Variants in PCDH15 observed in about 807,000 individuals in gnomAD.
The protein encoded by PCDH15 is protocadherin-15.
PCDH15 carries 129 observed loss-of-function variants against 178.5 expected under a neutral mutation model. The ratio of observed to expected loss-of-function variants is 0.72; its 90% CI spans 0.63 to 0.84. The LOEUF (loss-of-function observed/expected upper bound fraction) is 0.84. PCDH15 is among the 40% of genes least tolerant of loss of function. The pLI is 0.00. For synonymous variants in PCDH15, 800 were observed against 732.0 expected, an observed-to-expected ratio of 1.09 and a Z score of -1.50; for missense variants, 2,230 against 2,099.9, an observed-to-expected ratio of 1.06 and a Z score of -1.21.
At chr10:53,810,403 T>G in intron 37 of PCDH15, 153 bp downstream of exon 37, 2 of 612,216 alleles carry the variant, frequency 3.3e-6, no homozygotes, top group Admixed American at 2.9e-5. Flanking sequence ...GACAAGGCAA[T>G]GAAACGGTCA....
At chr10:55,234,346 TTAAA>T (rs1841313705) in intron 1 of PCDH15, among the ~76,000 whole-genome samples, 1 of 152,158 alleles carries the variant, frequency 6.6e-6, no homozygotes, top group East Asian at 1.9e-4. Context: ...TTAAAAAAAA[TTAAA>T]TATTCATTTT....
At chr10:55,115,448 G>T (rs1591914466) in intron 2 of PCDH15, among the ~76,000 whole-genome samples, 1 of 152,304 alleles carries the variant, frequency 6.6e-6, no homozygotes. Context: ...ATATTTTTGT[G>T]CATACTATTT....
At chr10:54,701,144 A>G (rs1297972088) in intron 1 of PCDH15, among the ~76,000 whole-genome samples, 2 of 152,090 alleles carry the variant, frequency 1.3e-5, no homozygotes, top group Non-Finnish European at 2.9e-5. Context: ...AGGAAATACA[A>G]TAACCTTAAA....
chr10:55,156,400 C>G (rs1385694352), intron 2 of PCDH15, among the ~76,000 whole-genome samples: 1 of 152,090 alleles, frequency 6.6e-6, no homozygotes, highest in African/African-American at 2.4e-5. Flanking sequence ...CCAGTTTTCC[C>G]TAAGGCGGCC....
intron 3 of PCDH15, among the ~76,000 whole-genome samples, chr10:54,507,468 G>A (rs573320044): frequency 3.7e-4 from 56 of 151,648 alleles, no homozygotes; most frequent in Admixed American, 2.6e-3. Flanking sequence ...TGAAAACTAT[G>A]CTTCCTTCAG....
Position 54,060,847 on chromosome 10 carries a change from G to A in PCDH15, c.2220+5910C>T, listed in dbSNP as rs1471798379. On this transcript the variant is annotated intron_variant, in intron 18 of 37. Transcript: ENST00000644397. ...AAAGTATGTAAGGAGCATAAGAGGT[G>A]AGGGTTGTTAGGTAAGATGAGAAGT... 2.6e-5 allele frequency among the ~76,000 whole-genome samples: 4 copies of A among 152,224 alleles called. 1 individual carries two copies. The highest frequency in any genetic ancestry group is 2.6e-4 in the Admixed American group (4 of 15,286).
intron 2 of PCDH15, among the ~76,000 whole-genome samples, chr10:55,359,312 G>T (rs968992830): frequency 6.6e-6 from 1 of 151,808 alleles, no homozygotes; most frequent in African/African-American, 2.4e-5. Flanking sequence ...ATTTTAAAAT[G>T]TGCTATAATT....
intron 21 of PCDH15, among the ~76,000 whole-genome samples, chr10:53,982,491 TA>T (rs1306037372): frequency 2.0e-5 from 3 of 151,996 alleles, no homozygotes; most frequent in African/African-American, 4.8e-5. Flanking sequence ...TATGCAGCCA[TA>T]AAAAATGATG....
chr10:54,366,823 C>A (rs999510601), intron 5 of PCDH15, among the ~76,000 whole-genome samples: 1 of 151,270 alleles, frequency 6.6e-6, no homozygotes, highest in African/African-American at 2.4e-5. Flanking sequence ...GAAGATATGA[C>A]CATAGTGTCA....
intron 2 of PCDH15, among the ~76,000 whole-genome samples, chr10:55,338,816 TTTGA>T (rs1437617391): frequency 5.3e-5 from 8 of 152,034 alleles, no homozygotes; most frequent in Admixed American, 2.0e-4. Context: ...AACAAAATCC[TTTGA>T]TTGGCAACAA....
At chr10:54,497,826 A>G (rs939188755) in intron 3 of PCDH15, among the ~76,000 whole-genome samples, 4 of 152,120 alleles carry the variant, frequency 2.6e-5, no homozygotes, top group African/African-American at 4.8e-5. Context: ...CAAGTCTATG[A>G]CTCATTGGCA....
In PCDH15 at chr10:54,329,774, G is replaced by C. The variant is rs188789155; in HGVS notation, c.595-68C>G. ...AGATGAATTAATAACTCAATATTTT[G>C]GATTAATCCTCTTGGAAGTTAGAGA... On this transcript the variant is annotated intron_variant, in intron 6 of 37. Coordinates refer to ENST00000644397, the MANE Select transcript of PCDH15 (RefSeq NM_001384140.1). 8.9e-5 allele frequency: 93 copies of C among 1,048,046 alleles called. No homozygotes were observed. In the African/African-American group the frequency reaches 1.4e-3, roughly 16 times the overall value. 64.9% of individuals were successfully genotyped at this position (1,048,046 alleles called of 1,614,324 possible).
intron 3 of PCDH15, among the ~76,000 whole-genome samples, chr10:54,408,874 A>T (rs1043986417): frequency 6.6e-6 from 1 of 152,128 alleles, no homozygotes; most frequent in Non-Finnish European, 1.5e-5. Context: ...GGAACCAGGC[A>T]TCTGGATCAT....
chr10:55,080,248 T>A (rs1356816486), intron 2 of PCDH15, among the ~76,000 whole-genome samples: 6 of 152,118 alleles, frequency 3.9e-5, no homozygotes, highest in Non-Finnish European at 7.4e-5. Context: ...AACAGACTAG[T>A]AAGCATTACC....
At position 54,582,201 on chromosome 10, in the gene PCDH15, C is replaced by T. The variant is rs565069236; in HGVS notation, c.92-54324G>A. Among the ~76,000 whole-genome samples the T allele has an allele frequency of 1.5e-3, 229 of 151,924 alleles. 1 individual carries two copies. Among genetic ancestry groups the T allele is most frequent in the African/African-American group, 5.4e-3 (224 of 41,474 alleles). On this transcript the variant is annotated intron_variant, in intron 2 of 37. Coordinates refer to ENST00000644397, the MANE Select transcript of PCDH15 (RefSeq NM_001384140.1). ...TTCTGCATCTGACAGAGGTCTAATACCCAGAATCTATAAAAAACTTAAACA... is the reference window on the plus strand; with the variant it reads ...TTCTGCATCTGACAGAGGTCTAATATCCAGAATCTATAAAAAACTTAAACA...
At chr10:55,258,099 T>C (rs1452169403) in intron 1 of PCDH15, among the ~76,000 whole-genome samples, 1 of 152,184 alleles carries the variant, frequency 6.6e-6, no homozygotes, top group Non-Finnish European at 1.5e-5. Flanking sequence ...GCAGTTAAAG[T>C]TGGACAGGTA....
chr10:54,377,728 T>C (rs1948654748), intron 4 of PCDH15, among the ~76,000 whole-genome samples: 1 of 152,132 alleles, frequency 6.6e-6, no homozygotes, highest in South Asian at 2.1e-4. Context: ...GGTAAGCATG[T>C]TTAGAGTTAC....
chr10:55,517,999 C>T (rs1258083701), intron 2 of PCDH15, among the ~76,000 whole-genome samples: 1 of 152,102 alleles, frequency 6.6e-6, no homozygotes, highest in Non-Finnish European at 1.5e-5. Context: ...TAAATATCAC[C>T]TGAGAAAACT....
chr10:55,599,227 T>C (rs1191705500), intron 2 of PCDH15: 2 of 152,148 alleles, frequency 1.3e-5, no homozygotes, highest in African/African-American at 4.8e-5. Context: ...CACTCATTTA[T>C]GTGGCAAAAT....
Sources: allele counts gnomAD v4.1 joint callset (sites outside exome capture counted in the v4.1 genomes callset), GRCh38; gene constraint gnomAD v4.1.1; transcripts MANE v1.5; gene names NCBI Gene and HGNC (gene_info 2026-07-23, HGNC 2026-07-21).